DIP2C: variants seen among roughly 807,000 people sequenced by gnomAD.
The protein encoded by DIP2C is disco-interacting protein 2 homolog C.
In DIP2C, 33 loss-of-function variants were observed where a neutral mutation model predicts 192.4. That is an observed-to-expected ratio of 0.17 (90% CI 0.13 to 0.23). The LOEUF is 0.23. Ranked by LOEUF, DIP2C falls within the 10% of genes least tolerant of loss-of-function variation. DIP2C has a pLI of 1.00. For synonymous variants in DIP2C, 979 were observed against 864.1 expected, an observed-to-expected ratio of 1.13 and a Z score of -2.33; for missense variants, 1,537 against 2,110.1, an observed-to-expected ratio of 0.73 and a Z score of 5.32.
intron 6 of DIP2C, 133 bp from the exon 7 acceptor site, chr10:416,021 G>A (rs1965610023): frequency 1.5e-6 from 2 of 1,366,118 alleles, no homozygotes; most frequent in Admixed American, 2.1e-5. Context: ...TCCTGGGAAG[G>A]GCCCGAGGTG....
intron 1 of DIP2C, among the ~76,000 whole-genome samples, chr10:598,402 GAC>G (rs1851844983): frequency 6.6e-6 from 1 of 152,226 alleles, no homozygotes. Flanking sequence ...TCACAACATG[GAC>G]ATTCCCTCAA....
chr10:459,163 C>T lies in DIP2C; in HGVS notation c.268+13276G>A, dbSNP rs72774505. On this transcript the variant is annotated intron_variant, in intron 3 of 36. Coordinates refer to ENST00000280886, the MANE Select transcript of DIP2C (RefSeq NM_014974.3). ...CAAAACTTTTTAAAAAACAAGATGT[C>T]ACAGTCACAGAATCCACTGGCTCTC... Among the ~76,000 whole-genome samples, 1,052 of 152,096 alleles carry T rather than the reference C, an allele frequency of 6.9e-3. 5 individuals are homozygous for T. Among genetic ancestry groups the T allele is most frequent in the Middle Eastern group, 0.01 (3 of 294 alleles).
At position 622,792 on chromosome 10, in the gene DIP2C, T is replaced by TAA. The variant is rs760542777; in HGVS notation, c.85+66700_85+66701dup. Among the ~76,000 whole-genome samples, 216 of 152,300 alleles carry TAA rather than the reference T, an allele frequency of 1.4e-3. 2 individuals carry two copies. Among genetic ancestry groups the TAA allele is most frequent in the Non-Finnish European group, 9.6e-4 (65 of 68,028 alleles). On this transcript the variant is annotated intron_variant, in intron 1 of 36. Transcript: ENST00000280886. The stretch of plus-strand genomic sequence containing the variant: ...GGCTTCTAACTCCAGGTGGGAATGT[T>TAA]AAGCTCAGTCCAGTTCAATTCAATA...
chr10:449,623 G>A (rs1451383144), intron 3 of DIP2C, among the ~76,000 whole-genome samples: 1 of 124,560 alleles, frequency 8.0e-6, no homozygotes, highest in Non-Finnish European at 1.6e-5. Context: ...ACACTCTGGG[G>A]ACTGTGGTGG....
rs768827016 is a variant in DIP2C at position 283,251 on chromosome 10, G to A, written c.4294+21C>T. 13 of 1,603,542 alleles carry A rather than the reference G, an allele frequency of 8.1e-6. No homozygotes were observed. The South Asian group carries it at 1.0e-4, about 12-fold the overall frequency. ...CTCTCTGCCCATCTGTTGGGGGGGGGCCGCCAGCCTGGACTCTCACCTCCA... is the reference window on the plus strand; with the variant it reads ...CTCTCTGCCCATCTGTTGGGGGGGGACCGCCAGCCTGGACTCTCACCTCCA... On this transcript the variant is annotated intron_variant, in intron 35 of 36. Coordinates refer to ENST00000280886, the MANE Select transcript of DIP2C (RefSeq NM_014974.3).
At chr10:615,626 C>T (rs1443232957) in intron 1 of DIP2C, among the ~76,000 whole-genome samples, 2 of 141,734 alleles carry the variant, frequency 1.4e-5, no homozygotes, top group South Asian at 4.3e-4. Context: ...CACACACACA[C>T]CCGCCCCACA....
intron 1 of DIP2C, among the ~76,000 whole-genome samples, chr10:534,822 G>A (rs1052902594): frequency 6.6e-5 from 10 of 151,738 alleles, no homozygotes; most frequent in African/African-American, 1.7e-4. Context: ...GACTACAGGC[G>A]CCTGCCACCG....
intron 3 of DIP2C, among the ~76,000 whole-genome samples, chr10:442,352 C>T (rs151322092): frequency 5.9e-5 from 9 of 152,106 alleles, no homozygotes; most frequent in Non-Finnish European, 7.4e-5. Flanking sequence ...AGCCTTTGTG[C>T]GTACTTCTCT....
intron 1 of DIP2C, among the ~76,000 whole-genome samples, chr10:584,494 G>A (rs552206964): frequency 1.8e-4 from 22 of 125,678 alleles, no homozygotes; most frequent in African/African-American, 4.1e-4. Context: ...CCACTCACGC[G>A]CATCACCTCT....
At position 366,350 on chromosome 10, in the gene DIP2C, C is replaced by T; in HGVS notation, c.2193G>A (p.Gly731=). The part of the protein sequence containing the change: ...VPQLCRTDEI[G]ELCVCAVATG... ...TCGCAACTGCACACACACACAGCTC[C>T]CCGATCTCATCCGTTCTGCACAGCT... The change falls in exon 19 of 37, where the codon GGG becomes GGA. Residue 731 remains glycine (G), a synonymous_variant. Transcript: ENST00000280886. 1 of 1,614,206 alleles carries T rather than the reference C, an allele frequency of 6.2e-7. No individual in the cohort carries two copies. The highest frequency in any genetic ancestry group is 1.1e-5 in the South Asian group (1 of 91,074).
chr10:388,846 G>A (rs949315607), intron 13 of DIP2C, among the ~76,000 whole-genome samples: 29 of 152,374 alleles, frequency 1.9e-4, no homozygotes, highest in African/African-American at 5.0e-4. Context: ...ACGCCGCAGC[G>A]GTGCCCTGTC....
chr10:451,163 G>A (rs888602481), intron 3 of DIP2C, among the ~76,000 whole-genome samples: 8 of 152,128 alleles, frequency 5.3e-5, no homozygotes, highest in East Asian at 1.9e-4. Context: ...CGGAACAGGC[G>A]TACGTACACC....
At chr10:277,869 C>T (rs376560134) in intron 36 of DIP2C, among the ~76,000 whole-genome samples, 11 of 152,336 alleles carry the variant, frequency 7.2e-5, no homozygotes, top group African/African-American at 2.4e-4. Flanking sequence ...ACCTGGCCAG[C>T]GGAGTCTGTG....
intron 10 of DIP2C, among the ~76,000 whole-genome samples, chr10:393,505 C>T (rs759071959): frequency 1.3e-5 from 2 of 152,172 alleles, no homozygotes; most frequent in African/African-American, 4.8e-5. Flanking sequence ...AAGCCAGGCG[C>T]GATGGCTCAG....
At chr10:358,066 A>G (rs1025519973) in intron 22 of DIP2C, 129 bp from the exon 23 acceptor site, 1 of 608,500 alleles carries the variant, frequency 1.6e-6, no homozygotes, top group South Asian at 2.2e-5. Flanking sequence ...TAAACCTTCT[A>G]AGAACAGAGA....
rs544642681 is a variant in DIP2C, at chr10:579,599, T to C, written c.86-93069A>G. Among the ~76,000 whole-genome samples, 296 of 152,008 alleles carry C rather than the reference T, an allele frequency of 1.9e-3. 1 individual carries two copies. The highest frequency in any genetic ancestry group is 0.01 in the Middle Eastern group (3 of 294). On this transcript the variant is annotated intron_variant, in intron 1 of 36. Transcript: ENST00000280886. ...TGCGTACATGCATAGAGCATACACATCCAAATAGTGTACAAACATGTGCAC... is the reference window on the plus strand; with the variant it reads ...TGCGTACATGCATAGAGCATACACACCCAAATAGTGTACAAACATGTGCAC...
chr10:313,943 T>C (rs1956666400), intron 31 of DIP2C, among the ~76,000 whole-genome samples: 1 of 152,206 alleles, frequency 6.6e-6, no homozygotes, highest in African/African-American at 2.4e-5. Flanking sequence ...TAGCACAACC[T>C]GGTACTTGCA....
At chr10:607,190 T>G (rs570868221) in intron 1 of DIP2C, among the ~76,000 whole-genome samples, 1 of 152,212 alleles carries the variant, frequency 6.6e-6, no homozygotes, top group Non-Finnish European at 1.5e-5. Context: ...TTCCTCCTGC[T>G]TATTCAGAAG....
chr10:512,636 C>T (rs1846088794), intron 1 of DIP2C, among the ~76,000 whole-genome samples: 1 of 151,926 alleles, frequency 6.6e-6, no homozygotes, highest in South Asian at 2.1e-4. Context: ...AAGGAGCTGG[C>T]CGGGCAGTGG....
Sources: gnomAD v4.1 joint callset for allele counts (sites outside exome capture counted in the v4.1 genomes callset) on GRCh38, gnomAD v4.1.1 for gene constraint, MANE v1.5 for transcripts, NCBI Gene and HGNC (gene_info 2026-07-23, HGNC 2026-07-21) for gene names.